The following PIPOX variants were observed in gnomAD, a reference collection of about 807,000 sequenced individuals.
The protein encoded by PIPOX is pipecolic acid and sarcosine oxidase, also known as peroxisomal sarcosine oxidase.
A neutral mutation model predicts 47.9 loss-of-function variants in PIPOX; 45 were observed. That is an observed-to-expected ratio of 0.94 (90% CI 0.74 to 1.20). The LOEUF (loss-of-function observed/expected upper bound fraction) is 1.20. Among genes scored for constraint, PIPOX ranks in the 50% most tolerant of loss-of-function variants. PIPOX has a pLI of 0.00. For synonymous variants in PIPOX, 165 were observed against 191.3 expected (o/e 0.86, Z 1.13); for missense variants, 458 against 498.4 (o/e 0.92, Z 0.77).
In PIPOX at chr17:29,053,014, C is replaced by T; in HGVS notation, c.358C>T (p.Leu120Phe). The change falls in exon 3 of 8, where the codon CTT becomes TTT. Residue 120 changes from leucine to phenylalanine, a missense_variant. Transcript: ENST00000323372. ...LSRQRVEHQC[L>F]SSEELKQRFP... Reference sequence around the variant, plus strand: ...GAGGCAGAGGGTAGAACACCAGTGTCTTTCATCTGAGGAACTGAAGCAACG... The same window carrying T: ...GAGGCAGAGGGTAGAACACCAGTGTTTTTCATCTGAGGAACTGAAGCAACG... 1 of 1,614,224 alleles carries T rather than the reference C, an allele frequency of 6.2e-7. No individual in the cohort carries two copies. The highest frequency in any genetic ancestry group is 8.5e-7 in the Non-Finnish European group (1 of 1,180,018).
At chr17:29,053,269 C>A in intron 3 of PIPOX, 136 bp downstream of exon 3, 1 of 1,179,428 alleles carries the variant, frequency 8.5e-7, no homozygotes, top group Non-Finnish European at 1.2e-6. Context: ...TCCAGCAGGG[C>A]AGTGAAATAT....
At position 29,053,598 on chromosome 17, in the gene PIPOX, A is replaced by G; in HGVS notation, c.660+3A>G. 6.3e-7 allele frequency: 1 copy of G among 1,574,840 alleles called. No homozygotes were observed. The highest frequency in any genetic ancestry group is 8.7e-7 in the Non-Finnish European group (1 of 1,154,982). The stretch of plus-strand genomic sequence containing the variant: ...TGGGCATTGAGATGCCTCTCCAGGT[A>G]AGAGGAGCTGGAAGCCCGAGAGTTG... On this transcript the variant is annotated splice_donor_region_variant and intron_variant, in intron 4 of 7. Coordinates refer to ENST00000323372, the MANE Select transcript of PIPOX (RefSeq NM_016518.3).
chr17:29,051,763 T>G (rs1470409350), intron 2 of PIPOX, among the ~76,000 whole-genome samples: 1 of 152,174 alleles, frequency 6.6e-6, no homozygotes, highest in East Asian at 1.9e-4. Flanking sequence ...AGACCATCTA[T>G]CGGTGTTTCT....
At position 29,056,348 on chromosome 17, in the gene PIPOX, C is replaced by G. The variant is rs770879149; in HGVS notation, c.*43C>G. 6.2e-6 allele frequency: 10 copies of G among 1,612,042 alleles called. No individual in the cohort carries two copies. The Admixed American group carries it at 1.7e-4, about 27-fold the overall frequency. ...CCCTTCTGTGCACAGGAGCCAGTTT[C>G]ACAGATGGAGAAGATGTCTCAGATG... On this transcript the variant is annotated 3_prime_UTR_variant, in exon 8 of 8. Coordinates refer to ENST00000323372, the MANE Select transcript of PIPOX (RefSeq NM_016518.3).
chr17:29,051,801 T>G (rs1164289950), intron 2 of PIPOX, among the ~76,000 whole-genome samples: 1 of 152,090 alleles, frequency 6.6e-6, no homozygotes, highest in African/African-American at 2.4e-5. Context: ...GAATTTGGGG[T>G]GGAATCTTCT....
chr17:29,055,668 G>A (rs2065824847), intron 6 of PIPOX, 145 bp from the exon 7 acceptor site: 4 of 725,824 alleles, frequency 5.5e-6, no homozygotes, highest in Middle Eastern at 2.4e-4. Context: ...ACACCCAGAG[G>A]GGCACGGGCA....
intron 2 of PIPOX, among the ~76,000 whole-genome samples, chr17:29,049,197 C>A (rs952615953): frequency 6.6e-6 from 1 of 152,300 alleles, no homozygotes; most frequent in Non-Finnish European, 1.5e-5. Context: ...ACTAAATGCT[C>A]TTGACTCAGC....
chr17:29,046,839 G>A lies in PIPOX; in HGVS notation c.263+1832G>A, dbSNP rs923068550. ...GCTGTGTGGTTTGGAACGAGCTGTT[G>A]AACCTCTGGTGAGACTCAGCTTTTT... is the stretch of plus-strand genomic sequence containing the variant. On this transcript the variant is annotated intron_variant, in intron 2 of 7. Coordinates refer to ENST00000323372, the MANE Select transcript of PIPOX (RefSeq NM_016518.3). The A allele has an allele frequency of 4.8e-6, 4 of 825,568 alleles. No individual in the cohort carries two copies. In the African/African-American group the frequency reaches 5.5e-5, roughly 11 times the overall value. The allele number at this position is 825,568 out of a possible 1,614,324, so 51.1% of individuals were successfully genotyped here.
intron 1 of PIPOX, among the ~76,000 whole-genome samples, chr17:29,044,635 G>C (rs1344712337): frequency 3.3e-5 from 5 of 152,156 alleles, no homozygotes; most frequent in Non-Finnish European, 7.3e-5. Context: ...ACACCTGATA[G>C]TTTTTAAATT....
intron 2 of PIPOX, among the ~76,000 whole-genome samples, chr17:29,046,203 A>G (rs1445466773): frequency 5.3e-5 from 8 of 152,330 alleles, no homozygotes; most frequent in African/African-American, 1.4e-4. Flanking sequence ...ACCCAAATAA[A>G]GGAGCATGTC....
rs551695148 is a variant in PIPOX at position 29,052,330 on chromosome 17, C to T, written c.264-590C>T. Among the ~76,000 whole-genome samples the T allele has an allele frequency of 9.8e-5, 15 of 152,336 alleles. No homozygotes were observed. The East Asian group carries it at 2.7e-3, about 27-fold the overall frequency. On this transcript the variant is annotated intron_variant, in intron 2 of 7. Coordinates refer to ENST00000323372, the MANE Select transcript of PIPOX (RefSeq NM_016518.3). Reference sequence around the variant, plus strand: ...CATGAAAGAGGACTTAGGATCTCTGCCCTCAAGGGCAGGATGGGTCCTGAG... The same window carrying T: ...CATGAAAGAGGACTTAGGATCTCTGTCCTCAAGGGCAGGATGGGTCCTGAG...
At chr17:29,052,657 T>TAAAGTGATCCTCTCACCTC (rs1481075583) in intron 2 of PIPOX, among the ~76,000 whole-genome samples, 1 of 152,248 alleles carries the variant, frequency 6.6e-6, no homozygotes, top group Non-Finnish European at 1.5e-5. Context: ...CCTCCCTGGC[T>TAAAGTGATCCTCTCACCTC]AAAGTGATCC....
intron 2 of PIPOX, chr17:29,051,855 G>GTGAGA (rs767588533): frequency 8.8e-4 from 393 of 448,006 alleles, no homozygotes; most frequent in Middle Eastern, 4.4e-3. Flanking sequence ...CCCACTAAAT[G>GTGAGA]TGAGAGGCAG....
At position 29,043,162 on chromosome 17, in the gene PIPOX, C is replaced by A; in HGVS notation, c.-64C>A. 1 of 1,307,414 alleles carries A rather than the reference C, an allele frequency of 7.6e-7. No homozygotes were observed. 81.0% of individuals were successfully genotyped at this position (1,307,414 alleles called of 1,614,324 possible). ...CTTTGCCTTCCTCCTCGTCCTTTAG[C>A]CGGGAGCCTGTCTTTGCTTGCCTTT... On this transcript the variant is annotated 5_prime_UTR_variant, in exon 1 of 8. Transcript: ENST00000323372.
At chr17:29,055,662 C>T in intron 6 of PIPOX, 151 bp from the exon 7 acceptor site, 1 of 706,530 alleles carries the variant, frequency 1.4e-6, no homozygotes, top group East Asian at 2.5e-5. Flanking sequence ...ACTGGCACAC[C>T]CAGAGGGGCA....
At position 29,055,083 on chromosome 17, in the gene PIPOX, C is replaced by G. The variant is rs200339165; in HGVS notation, c.828C>G (p.Asn276Lys). The change falls in exon 6 of 8, where the codon AAC becomes AAG. Residue 276 changes from asparagine to lysine, a missense_variant. Physicochemically the swap from Asn to Lys is moderately conservative, Grantham distance 94. Transcript: ENST00000323372. Reference protein sequence around the residue: ...GLMKVSYHHGNHADPEERDCP... With the variant: ...GLMKVSYHHGKHADPEERDCP... ...GCCAGGTCAGCTATCACCACGGCAA[C>G]CACGCAGACCCTGAGGAGCGGGACT... The G allele has an allele frequency of 2.0e-5, 32 of 1,614,158 alleles. No homozygotes were observed. Among genetic ancestry groups the G allele is most frequent in the Non-Finnish European group, 2.5e-5 (30 of 1,180,024 alleles).
chr17:29,046,863 T>C (rs1050359218), intron 2 of PIPOX: 49 of 580,260 alleles, frequency 8.4e-5, no homozygotes, highest in Non-Finnish European at 1.0e-4. Flanking sequence ...ACTCAGCTTT[T>C]TTCATCTGTG....
At chr17:29,048,780 G>A (rs1278938272) in intron 2 of PIPOX, among the ~76,000 whole-genome samples, 2 of 152,220 alleles carry the variant, frequency 1.3e-5, no homozygotes, top group South Asian at 2.1e-4. Context: ...AGCAGTCTTT[G>A]TTAACCAATT....
At chr17:29,044,538 A>G (rs1168172872) in intron 1 of PIPOX, 2 of 215,222 alleles carry the variant, frequency 9.3e-6, no homozygotes, top group Non-Finnish European at 1.9e-5. Context: ...CAGTGGTACT[A>G]TCATAGTTCA....
Sources: gnomAD v4.1 joint callset for allele counts (sites outside exome capture counted in the v4.1 genomes callset) on GRCh38, gnomAD v4.1.1 for gene constraint, MANE v1.5 for transcripts, NCBI Gene and HGNC (gene_info 2026-07-23, HGNC 2026-07-21) for gene names.